SH3BGR: variants seen among roughly 807,000 people sequenced by gnomAD.
The protein encoded by SH3BGR is SH3 domain-binding glutamic acid-rich protein.
In SH3BGR, 29 loss-of-function variants were observed where a neutral mutation model predicts 24.5. The ratio of observed to expected loss-of-function variants is 1.18; its 90% CI spans 0.88 to 1.61. The LOEUF (loss-of-function observed/expected upper bound fraction) is 1.61. Among genes scored for constraint, SH3BGR ranks in the 40% most tolerant of loss-of-function variants. The pLI, the probability that SH3BGR is intolerant of heterozygous loss-of-function variation, is 0.00. For missense variants in SH3BGR, 162 were observed against 205.8 expected, an observed-to-expected ratio of 0.79 and a Z score of 1.30; for synonymous variants, 55 against 65.7, an observed-to-expected ratio of 0.84 and a Z score of 0.79.
chr21:39,513,142 T>C (rs1225570931), intron 6 of SH3BGR, among the ~76,000 whole-genome samples: 2 of 152,188 alleles, frequency 1.3e-5, no homozygotes, highest in Non-Finnish European at 2.9e-5. Context: ...GAGACACTTA[T>C]CAAACCAGTA....
At chr21:39,470,767 G>A (rs1760784492) in intron 2 of SH3BGR, among the ~76,000 whole-genome samples, 2 of 151,834 alleles carry the variant, frequency 1.3e-5, no homozygotes, top group Non-Finnish European at 2.9e-5. Flanking sequence ...TTGAATCTGA[G>A]ATATTCCATC....
chr21:39,465,651 C>T (rs781084264), intron 2 of SH3BGR, among the ~76,000 whole-genome samples: 3 of 152,040 alleles, frequency 2.0e-5, no homozygotes, highest in African/African-American at 7.2e-5. Context: ...AGTGCAGTGG[C>T]GCAATCATAG....
At chr21:39,503,951 C>T (rs560004524) in intron 4 of SH3BGR, among the ~76,000 whole-genome samples, 33 of 152,220 alleles carry the variant, frequency 2.2e-4, no homozygotes, top group African/African-American at 6.5e-4. Flanking sequence ...GCTAAGGAAC[C>T]GGCGCCTCAG....
intron 4 of SH3BGR, among the ~76,000 whole-genome samples, chr21:39,501,654 C>A (rs964814551): frequency 2.0e-5 from 3 of 152,168 alleles, no homozygotes; most frequent in African/African-American, 7.2e-5. Flanking sequence ...AACACATGCT[C>A]TTTGATTTAC....
At chr21:39,477,362 C>A (rs1023325002) in intron 3 of SH3BGR, among the ~76,000 whole-genome samples, 1 of 152,126 alleles carries the variant, frequency 6.6e-6, no homozygotes, top group Non-Finnish European at 1.5e-5. Flanking sequence ...TTTTGAACTT[C>A]TGGGCTCAAG....
intron 3 of SH3BGR, among the ~76,000 whole-genome samples, chr21:39,479,244 G>GGTGGTGGTGGTGGTGC (rs1569160870): frequency 7.5e-6 from 1 of 134,178 alleles, no homozygotes; most frequent in African/African-American, 3.3e-5. Flanking sequence ...GGTGGTGGTG[G>GGTGGTGGTGGTGGTGC]TGGTGGTGGT....
chr21:39,452,724 A>G (rs2077593689), intron 1 of SH3BGR, among the ~76,000 whole-genome samples: 1 of 152,208 alleles, frequency 6.6e-6, no homozygotes, highest in Non-Finnish European at 1.5e-5. Context: ...GACGGCCCCA[A>G]AATAAGAGCT....
intron 3 of SH3BGR, among the ~76,000 whole-genome samples, chr21:39,493,469 T>C (rs2078338970): frequency 6.6e-6 from 1 of 152,250 alleles, no homozygotes; most frequent in African/African-American, 2.4e-5. Flanking sequence ...GTTTCATTGG[T>C]CTATGTGCCT....
chr21:39,458,758 C>T (rs368234997), intron 1 of SH3BGR, among the ~76,000 whole-genome samples: 4 of 151,680 alleles, frequency 2.6e-5, no homozygotes, highest in Non-Finnish European at 5.9e-5. Flanking sequence ...GTGATCCTCC[C>T]GCCTCAGCTT....
chr21:39,488,784 T>C (rs1158831119), intron 3 of SH3BGR: 3 of 341,298 alleles, frequency 8.8e-6, no homozygotes, highest in Non-Finnish European at 1.8e-5. Flanking sequence ...CTCGTCTGTG[T>C]GGTGCTGAGT....
rs373265984 is a variant in SH3BGR at position 39,495,063 on chromosome 21, A to G, written c.313-4760A>G. 1.4e-4 allele frequency among the ~76,000 whole-genome samples: 21 copies of G among 151,330 alleles called. 1 individual carries two copies. The highest frequency in any genetic ancestry group is 2.0e-4 in the East Asian group (1 of 5,120). On this transcript the variant is annotated intron_variant, in intron 3 of 6. Transcript: ENST00000333634. Reference sequence around the variant, plus strand: ...CACTTGTTTGATTTTTTTAATTTCTATTTTTCTATTGAGAATCAGTTGTTT... The same window carrying G: ...CACTTGTTTGATTTTTTTAATTTCTGTTTTTCTATTGAGAATCAGTTGTTT...
intron 1 of SH3BGR, among the ~76,000 whole-genome samples, chr21:39,455,550 C>G (rs1451775042): frequency 6.6e-6 from 1 of 152,256 alleles, no homozygotes; most frequent in Non-Finnish European, 1.5e-5. Flanking sequence ...GGAGTCAGCT[C>G]AGCAGGCGCT....
intron 1 of SH3BGR, chr21:39,446,216 GT>G (rs1239425014): frequency 3.4e-5 from 5 of 149,168 alleles, no homozygotes; most frequent in Non-Finnish European, 5.9e-5. Context: ...AACAATGCAT[GT>G]TTGGCATAGA....
At chr21:39,488,300 T>G (rs778991715) in intron 3 of SH3BGR, 1 of 191,082 alleles carries the variant, frequency 5.2e-6, no homozygotes, top group Admixed American at 5.2e-5. Flanking sequence ...TTCTGGCCTG[T>G]AGCTGAGCAG....
chr21:39,457,393 TTA>T (rs1306217855), intron 1 of SH3BGR, among the ~76,000 whole-genome samples: 2 of 143,610 alleles, frequency 1.4e-5, no homozygotes, highest in African/African-American at 5.0e-5. Flanking sequence ...TATTATATAG[TTA>T]TATATAAATC....
rs2078695858 is a variant in SH3BGR, at chr21:39,511,545, G to A, written c.436-135G>A. On this transcript the variant is annotated intron_variant, in intron 5 of 6. Transcript: ENST00000333634. This position sits in a 1 kb window ranked among gnomAD's most constrained non-coding sequence, Gnocchi z 4.2. ...TGTGTGGTGTGTGTATTTGTGTGTT[G>A]TGTGTGTTTGTTTGTGTGTTGTGTG... The A allele has an allele frequency of 1.4e-6, 1 of 710,916 alleles. No homozygotes were observed. 44.0% of individuals were successfully genotyped at this position (710,916 alleles called of 1,614,324 possible).
At position 39,452,087 on chromosome 21, in the gene SH3BGR, A is replaced by G. The variant is rs776829207; in HGVS notation, c.-10A>G. On this transcript the variant is annotated 5_prime_UTR_variant, in exon 1 of 7. Transcript: ENST00000333634. ...GTGTGTTGGGGGGAGTCCTCTTTCC[A>G]ACTGTCGAAATGGTTATCAAAGTGT... 2 of 1,614,084 alleles carry G rather than the reference A, an allele frequency of 1.2e-6. No homozygotes were observed. The highest frequency in any genetic ancestry group is 2.2e-5 in the East Asian group (1 of 44,874).
intron 3 of SH3BGR, 40 bp from the exon 4 acceptor site, chr21:39,499,783 C>A: frequency 6.5e-6 from 9 of 1,386,176 alleles, no homozygotes; most frequent in South Asian, 1.3e-5. Flanking sequence ...TTTCTTTTTT[C>A]TGTTTTTGAG....
intron 6 of SH3BGR, among the ~76,000 whole-genome samples, chr21:39,513,010 A>C (rs746184723): frequency 6.6e-6 from 1 of 152,180 alleles, no homozygotes; most frequent in Non-Finnish European, 1.5e-5. Context: ...TTTTTAAAAA[A>C]TTTAAAAAAG....
Sources: gnomAD v4.1 joint callset for allele counts (sites outside exome capture counted in the v4.1 genomes callset) on GRCh38, gnomAD v4.1.1 for gene constraint, Gnocchi (gnomAD v3.1) non-coding constraint, MANE v1.5 for transcripts, NCBI Gene and HGNC (gene_info 2026-07-23, HGNC 2026-07-21) for gene names.